Variants in FTO observed in about 807,000 individuals in gnomAD.
FTO encodes alpha-ketoglutarate-dependent dioxygenase FTO.
A neutral mutation model predicts 63.9 loss-of-function variants in FTO; 47 were observed. The observed-to-expected ratio is 0.74, with a 90% confidence interval of 0.58 to 0.94. FTO has a LOEUF of 0.94. Among genes scored for constraint, FTO ranks in the 40% least tolerant of loss-of-function variants. FTO has a pLI of 0.00. For missense variants in FTO, 562 were observed against 618.1 expected, an observed-to-expected ratio of 0.91 and a Z score of 0.96; for synonymous variants, 207 against 224.4, an observed-to-expected ratio of 0.92 and a Z score of 0.69.
chr16:53,955,899 T>C (rs539275710), intron 8 of FTO, among the ~76,000 whole-genome samples: 20 of 152,266 alleles, frequency 1.3e-4, no homozygotes, highest in Admixed American at 3.9e-4. Context: ...ATCCCAGGGC[T>C]TTGGAAGGCC....
At chr16:54,085,642 C>T (rs1401441413) in intron 8 of FTO, among the ~76,000 whole-genome samples, 1 of 144,804 alleles carries the variant, frequency 6.9e-6, no homozygotes, top group African/African-American at 2.6e-5. Context: ...TGACCTTAGG[C>T]CAAGGCAGTG....
At chr16:53,932,198 G>C (rs1385085379) in intron 7 of FTO, among the ~76,000 whole-genome samples, 1 of 152,158 alleles carries the variant, frequency 6.6e-6, no homozygotes, top group Non-Finnish European at 1.5e-5. Context: ...CACAGAAGCT[G>C]CTTGAGTGTC....
intron 8 of FTO, among the ~76,000 whole-genome samples, chr16:53,960,575 G>T (rs932564696): frequency 3.9e-5 from 6 of 152,196 alleles, no homozygotes; most frequent in African/African-American, 1.2e-4. Context: ...TACCTCTGGT[G>T]CTGGGGGAAT....
chr16:54,100,653 T>C (rs2086620399), intron 8 of FTO, among the ~76,000 whole-genome samples: 1 of 152,172 alleles, frequency 6.6e-6, no homozygotes. Context: ...GTGCCAAGCC[T>C]TATTGGCTCT....
intron 6 of FTO, among the ~76,000 whole-genome samples, chr16:53,888,081 G>C (rs1312897607): frequency 1.3e-5 from 2 of 151,978 alleles, no homozygotes; most frequent in African/African-American, 4.8e-5. Flanking sequence ...TTTATAATTA[G>C]GATCTCAGTA....
At chr16:53,962,257 T>C (rs556031493) in intron 8 of FTO, among the ~76,000 whole-genome samples, 1 of 152,280 alleles carries the variant, frequency 6.6e-6, no homozygotes, top group South Asian at 2.1e-4. Flanking sequence ...GGACCCAGAA[T>C]AAGAATTCAG....
chr16:53,947,560 G>A (rs1049716080), intron 8 of FTO, among the ~76,000 whole-genome samples: 2 of 152,098 alleles, frequency 1.3e-5, no homozygotes, highest in African/African-American at 4.8e-5. Flanking sequence ...TGGCTTGAAC[G>A]AGCATTTTAT....
intron 7 of FTO, among the ~76,000 whole-genome samples, chr16:53,900,765 G>A (rs538950069): frequency 2.0e-5 from 3 of 152,004 alleles, no homozygotes; most frequent in Admixed American, 1.3e-4. Context: ...TTGGGAATAC[G>A]AAGGATTTTG....
At chr16:53,939,025 G>A (rs1599039241) in intron 8 of FTO, among the ~76,000 whole-genome samples, 2 of 152,124 alleles carry the variant, frequency 1.3e-5, no homozygotes, top group Admixed American at 6.5e-5. Context: ...ATGAACCCGG[G>A]AGGCGGAGCT....
chr16:53,773,442 G>A (rs1163429000), intron 1 of FTO, among the ~76,000 whole-genome samples: 1 of 152,082 alleles, frequency 6.6e-6, no homozygotes, highest in Non-Finnish European at 1.5e-5. Flanking sequence ...TTGGTACAGG[G>A]CATAGTGTAA....
intron 8 of FTO, among the ~76,000 whole-genome samples, chr16:53,977,772 T>G (rs1246470108): frequency 6.6e-6 from 1 of 152,216 alleles, no homozygotes; most frequent in Non-Finnish European, 1.5e-5. Context: ...TGGAAAGAAA[T>G]AAACTTTTCT....
At chr16:53,798,898 T>C (rs1373728203) in intron 1 of FTO, among the ~76,000 whole-genome samples, 1 of 152,168 alleles carries the variant, frequency 6.6e-6, no homozygotes, top group Non-Finnish European at 1.5e-5. Context: ...GATTCCTTTA[T>C]TAAGATGAAG....
At chr16:53,707,342 C>T (rs2075650350) in intron 1 of FTO, among the ~76,000 whole-genome samples, 1 of 152,138 alleles carries the variant, frequency 6.6e-6, no homozygotes, top group Admixed American at 6.5e-5. Flanking sequence ...TCTCTCTCTC[C>T]TTTCTGTTAA....
chr16:53,805,272 C>T (rs558801628), intron 1 of FTO, among the ~76,000 whole-genome samples: 2 of 152,216 alleles, frequency 1.3e-5, no homozygotes, highest in African/African-American at 2.4e-5. Context: ...CATGATGAGT[C>T]ATAATCCACT....
chr16:53,904,626 T>C (rs2081490788), intron 7 of FTO, among the ~76,000 whole-genome samples: 1 of 152,218 alleles, frequency 6.6e-6, no homozygotes, highest in South Asian at 2.1e-4. Context: ...TGCTGAGTTC[T>C]AGGCCTTTGT....
intron 4 of FTO, among the ~76,000 whole-genome samples, chr16:53,869,645 C>T (rs1382881217): frequency 6.7e-6 from 1 of 149,526 alleles, no homozygotes; most frequent in African/African-American, 2.5e-5. Flanking sequence ...TTGCCCAGTT[C>T]TCTAATGAGC....
intron 3 of FTO, among the ~76,000 whole-genome samples, chr16:53,839,443 C>T (rs908451474): frequency 1.3e-5 from 2 of 152,026 alleles, no homozygotes; most frequent in African/African-American, 2.4e-5. Context: ...GTTTATCAGA[C>T]GTGAAACTTT....
At chr16:54,103,439 C>A (rs1328780185) in intron 8 of FTO, among the ~76,000 whole-genome samples, 2 of 152,134 alleles carry the variant, frequency 1.3e-5, no homozygotes, top group Admixed American at 1.3e-4. Flanking sequence ...AAAAAGCTGA[C>A]CCCTAGGGAG....
chr16:53,711,455 G>A (rs1080312), intron 1 of FTO: 20,298 of 398,530 alleles, frequency 0.051, 1,208 homozygotes, highest in Admixed American at 0.18. Flanking sequence ...TCCATGGAAG[G>A]TAAGTAAGTA....
Sources: allele counts gnomAD v4.1 joint callset (sites outside exome capture counted in the v4.1 genomes callset), GRCh38; gene constraint gnomAD v4.1.1; transcripts MANE v1.5; gene names NCBI Gene and HGNC (gene_info 2026-07-23, HGNC 2026-07-21).